Variants in ANO3 observed in about 807,000 individuals in gnomAD.
The protein encoded by ANO3 is anoctamin 3.
In ANO3, 99 loss-of-function variants were observed where a neutral mutation model predicts 144.8. That is an observed-to-expected ratio of 0.68 (90% confidence interval 0.58 to 0.81). The LOEUF (loss-of-function observed/expected upper bound fraction) is 0.81. Among genes scored for constraint, ANO3 ranks in the 30% least tolerant of loss-of-function variants. The probability of loss-of-function intolerance (pLI) is 0.00; values close to 1 mark genes in which losing one functional copy is unlikely to be tolerated. For synonymous variants in ANO3, 414 were observed against 392.6 expected (o/e 1.05, Z -0.64); for missense variants, 905 against 1,202.2 (o/e 0.75, Z 3.66).
At chr11:26,431,620 T>C (rs981061509) in intron 1 of ANO3, among the ~76,000 whole-genome samples, 1 of 152,214 alleles carries the variant, frequency 6.6e-6, no homozygotes, top group Non-Finnish European at 1.5e-5. Flanking sequence ...GTTCTCATTG[T>C]TCAGCTCCCA....
chr11:26,643,478 G>A (rs561860848), intron 23 of ANO3, 144 bp downstream of exon 23: 46 of 1,022,118 alleles, frequency 4.5e-5, no homozygotes, highest in East Asian at 2.4e-4. Context: ...TAAGCTGGCC[G>A]GGCGTGGTGG....
At chr11:26,337,155 A>G (rs1855214793) in intron 1 of ANO3, among the ~76,000 whole-genome samples, 1 of 152,180 alleles carries the variant, frequency 6.6e-6, no homozygotes, top group Non-Finnish European at 1.5e-5. Context: ...AGATATTTCA[A>G]CCCGAAAAAA....
At chr11:26,378,735 C>T (rs180775625) in intron 1 of ANO3, among the ~76,000 whole-genome samples, 4 of 151,982 alleles carry the variant, frequency 2.6e-5, no homozygotes, top group East Asian at 1.9e-4. Context: ...GATATGAGTA[C>T]ATTGTTTTGG....
At chr11:26,225,297 A>G (rs1852234304) in intron 1 of ANO3, among the ~76,000 whole-genome samples, 1 of 151,980 alleles carries the variant, frequency 6.6e-6, no homozygotes, top group Non-Finnish European at 1.5e-5. Flanking sequence ...AGAAATAATA[A>G]TACAAGATTA....
chr11:26,423,902 T>C (rs969181481), intron 1 of ANO3, among the ~76,000 whole-genome samples: 1 of 152,046 alleles, frequency 6.6e-6, no homozygotes, highest in African/African-American at 2.4e-5. Context: ...TTGCTAGATT[T>C]GTGACTGTAA....
chr11:26,247,295 T>C (rs1028786179), intron 1 of ANO3, among the ~76,000 whole-genome samples: 2 of 152,226 alleles, frequency 1.3e-5, no homozygotes, highest in African/African-American at 4.8e-5. Context: ...TATCTTTTTT[T>C]CCAAGCGTGA....
chr11:26,526,661 G>A (rs541312136), intron 7 of ANO3, among the ~76,000 whole-genome samples: 36 of 152,188 alleles, frequency 2.4e-4, no homozygotes, highest in African/African-American at 6.7e-4. Flanking sequence ...AATTTTAGGC[G>A]TGGCAGTATT....
intron 1 of ANO3, among the ~76,000 whole-genome samples, chr11:26,295,523 A>C (rs2133857860): frequency 6.7e-6 from 1 of 149,252 alleles, no homozygotes; most frequent in Admixed American, 6.6e-5. Flanking sequence ...CTCAAAAAAA[A>C]AAAAAAAAAA....
At position 26,570,307 on chromosome 11, in the gene ANO3, A is replaced by G. The variant is rs146872779; in HGVS notation, c.1447+10528A>G. ...ATGGAGGGCTGCAGAAAGTGATGAG[A>G]AAAAACAAAAACAAAAAACACCTCT... On this transcript the variant is annotated intron_variant, in intron 14 of 26. Coordinates refer to ENST00000256737, the MANE Select transcript of ANO3 (RefSeq NM_031418.4). Among the ~76,000 whole-genome samples the G allele has an allele frequency of 2.8e-3, 424 of 152,194 alleles. 1 individual carries two copies. The highest frequency in any genetic ancestry group is 5.4e-3 in the Admixed American group (83 of 15,260).
At chr11:26,296,645 C>T (rs1198291806) in intron 1 of ANO3, among the ~76,000 whole-genome samples, 2 of 152,128 alleles carry the variant, frequency 1.3e-5, no homozygotes, top group East Asian at 1.9e-4. Context: ...TAAAATCATC[C>T]AACAGGTGAG....
At chr11:26,365,978 A>T (rs71462713) in intron 1 of ANO3, among the ~76,000 whole-genome samples, 205 of 2,188 alleles carry the variant, frequency 0.094, 10 homozygotes, top group East Asian at 0.33. Flanking sequence ...ATATATATAT[A>T]TATATATATA....
chr11:26,296,636 A>G (rs1387305720), intron 1 of ANO3, among the ~76,000 whole-genome samples: 1 of 152,194 alleles, frequency 6.6e-6, no homozygotes, highest in Non-Finnish European at 1.5e-5. Context: ...TGGGTGACAT[A>G]AAATCATCCA....
At chr11:26,248,192 A>G (rs968980151) in intron 1 of ANO3, among the ~76,000 whole-genome samples, 7 of 151,864 alleles carry the variant, frequency 4.6e-5, no homozygotes, top group Non-Finnish European at 7.4e-5. Context: ...ACAAAAATTA[A>G]CCAGGTGTGG....
At chr11:26,416,026 T>A (rs1164406705) in intron 1 of ANO3, among the ~76,000 whole-genome samples, 1 of 152,100 alleles carries the variant, frequency 6.6e-6, no homozygotes, top group Non-Finnish European at 1.5e-5. Context: ...TTTTATGCAT[T>A]GATTTTTTTA....
intron 1 of ANO3, among the ~76,000 whole-genome samples, chr11:26,277,021 T>TG (rs1157224090): frequency 2.0e-5 from 3 of 152,154 alleles, no homozygotes; most frequent in African/African-American, 7.2e-5. Context: ...GCTTGCCCTC[T>TG]AGTGGCTGCC....
chr11:26,225,503 C>T (rs946831360), intron 1 of ANO3, among the ~76,000 whole-genome samples: 4 of 152,078 alleles, frequency 2.6e-5, no homozygotes, highest in Non-Finnish European at 5.9e-5. Flanking sequence ...ATGCTCTCTA[C>T]TAGCCTCTTC....
chr11:26,409,188 C>T (rs1857370970), intron 1 of ANO3, among the ~76,000 whole-genome samples: 1 of 151,580 alleles, frequency 6.6e-6, no homozygotes, highest in African/African-American at 2.4e-5. Context: ...CTGGACCTCC[C>T]CACTCCCAAA....
chr11:26,450,228 C>T (rs1454835879), intron 3 of ANO3, among the ~76,000 whole-genome samples: 2 of 152,086 alleles, frequency 1.3e-5, no homozygotes, highest in Admixed American at 1.3e-4. Flanking sequence ...TACTCACTGA[C>T]TTGGGTGGAT....
At chr11:26,613,397 G>A (rs1175573806) in intron 17 of ANO3, among the ~76,000 whole-genome samples, 1 of 151,870 alleles carries the variant, frequency 6.6e-6, no homozygotes, top group Non-Finnish European at 1.5e-5. Flanking sequence ...TTATTTTTCG[G>A]ATTTCATTGA....
Sources: gnomAD v4.1 joint callset for allele counts (sites outside exome capture counted in the v4.1 genomes callset) on GRCh38, gnomAD v4.1.1 for gene constraint, MANE v1.5 for transcripts, NCBI Gene and HGNC (gene_info 2026-07-23, HGNC 2026-07-21) for gene names.